Variants in CADPS2 observed in about 807,000 individuals in gnomAD.
CADPS2 encodes the protein calcium dependent secretion activator 2.
A neutral mutation model predicts 172.5 loss-of-function variants in CADPS2; 93 were observed. The ratio of observed to expected loss-of-function variants is 0.54; its 90% CI spans 0.46 to 0.64. The LOEUF is 0.64. Ranked by LOEUF, CADPS2 falls within the 30% of genes least tolerant of loss-of-function variation. CADPS2 has a pLI of 0.00. For missense variants in CADPS2, 1,420 were observed against 1,565.9 expected, an observed-to-expected ratio of 0.91 and a Z score of 1.57; for synonymous variants, 546 against 555.2, an observed-to-expected ratio of 0.98 and a Z score of 0.23.
intron 1 of CADPS2, among the ~76,000 whole-genome samples, chr7:122,804,333 C>T (rs1460875124): frequency 6.6e-6 from 1 of 152,148 alleles, no homozygotes; most frequent in African/African-American, 2.4e-5. Context: ...AGGACTAGCA[C>T]GTTGCATTTT....
chr7:122,662,351 C>G (rs986604478), intron 3 of CADPS2, among the ~76,000 whole-genome samples: 5 of 145,060 alleles, frequency 3.4e-5, no homozygotes, highest in African/African-American at 1.3e-4. Flanking sequence ...AAATGTGAAA[C>G]ATGATTTTAT....
rs535911463 is a variant in CADPS2 at position 122,484,886 on chromosome 7, G to A, written c.1853-4026C>T. ...CATGGTGTCACTTTTTTAACAACAC[G>A]TGCTCATATCATGACGTGCTCATAT... is the stretch of plus-strand genomic sequence containing the variant. On this transcript the variant is annotated intron_variant, in intron 11 of 29. Coordinates refer to ENST00000449022, the MANE Select transcript of CADPS2 (RefSeq NM_017954.11). Among the ~76,000 whole-genome samples, 57 of 143,220 alleles carry A rather than the reference G, an allele frequency of 4.0e-4. 1 individual carries two copies. The South Asian group carries it at 0.011, about 27-fold the overall frequency. 94.0% of individuals were successfully genotyped at this position (143,220 alleles called of 152,430 possible).
chr7:122,845,133 G>A (rs1811633339), intron 1 of CADPS2, among the ~76,000 whole-genome samples: 1 of 152,150 alleles, frequency 6.6e-6, no homozygotes, highest in South Asian at 2.1e-4. Flanking sequence ...ACTGTCATCA[G>A]TCAGAAGCAG....
intron 2 of CADPS2, among the ~76,000 whole-genome samples, chr7:122,675,932 C>A (rs1419794327): frequency 6.6e-6 from 1 of 151,996 alleles, no homozygotes; most frequent in African/African-American, 2.4e-5. Flanking sequence ...GGCACATGCA[C>A]GCCCATGCAA....
intron 18 of CADPS2, among the ~76,000 whole-genome samples, chr7:122,414,938 G>T (rs1000606521): frequency 6.6e-6 from 1 of 152,058 alleles, no homozygotes; most frequent in African/African-American, 2.4e-5. Context: ...CACTGTCAGG[G>T]CACTGACATT....
Position 122,442,304 on chromosome 7 carries a change from A to C in CADPS2, c.2289-729T>G, listed in dbSNP as rs1480319304. Among the ~76,000 whole-genome samples, 3 of 152,078 alleles carry C rather than the reference A, an allele frequency of 2.0e-5. No homozygotes were observed. The East Asian group carries it at 5.8e-4, about 29-fold the overall frequency. On this transcript the variant is annotated intron_variant, in intron 15 of 29. Transcript: ENST00000449022. ...CCTGCTTCAGGTCAATTTCCACTTAAACAATACTGAACATCAGGGCCATTT... is the reference window on the plus strand; with the variant it reads ...CCTGCTTCAGGTCAATTTCCACTTACACAATACTGAACATCAGGGCCATTT...
chr7:122,460,838 GAAATTAAT>G (rs1364937683), intron 14 of CADPS2, among the ~76,000 whole-genome samples: 3 of 152,146 alleles, frequency 2.0e-5, no homozygotes, highest in Admixed American at 1.3e-4. Context: ...TTTGTTAACT[GAAATTAAT>G]AAATCAATAA....
intron 17 of CADPS2, among the ~76,000 whole-genome samples, chr7:122,435,564 T>C (rs1228556515): frequency 1.3e-5 from 2 of 152,158 alleles, no homozygotes; most frequent in African/African-American, 4.8e-5. Flanking sequence ...TCTTGTATAC[T>C]ATTGGTAGAA....
intron 1 of CADPS2, among the ~76,000 whole-genome samples, chr7:122,755,857 C>T (rs1380696691): frequency 1.3e-5 from 2 of 152,138 alleles, no homozygotes; most frequent in Middle Eastern, 3.2e-3. Context: ...ACTCAAGTAA[C>T]ACCTAGTTCT....
At chr7:122,753,888 CT>C (rs925300045) in intron 1 of CADPS2, among the ~76,000 whole-genome samples, 34 of 150,106 alleles carry the variant, frequency 2.3e-4, no homozygotes, top group East Asian at 1.2e-3. Flanking sequence ...TCACCAAAAA[CT>C]TTTTTTTTTC....
intron 1 of CADPS2, among the ~76,000 whole-genome samples, chr7:122,879,675 C>T (rs145798008): frequency 2.2e-4 from 33 of 152,262 alleles, no homozygotes; most frequent in African/African-American, 7.7e-4. Flanking sequence ...CAAAGACAGG[C>T]TTTAAATTTT....
intron 2 of CADPS2, among the ~76,000 whole-genome samples, chr7:122,715,252 T>A: frequency 6.6e-6 from 1 of 152,130 alleles, no homozygotes; most frequent in African/African-American, 2.4e-5. Flanking sequence ...GGACACACCT[T>A]AGATTTTAAG....
chr7:122,656,788 G>A (rs1368414155), intron 3 of CADPS2, among the ~76,000 whole-genome samples: 1 of 152,148 alleles, frequency 6.6e-6, no homozygotes, highest in African/African-American at 2.4e-5. Context: ...TTTCTCTTTT[G>A]CTGTGCAGAA....
chr7:122,670,710 A>G (rs762584986), intron 2 of CADPS2, among the ~76,000 whole-genome samples: 2 of 151,694 alleles, frequency 1.3e-5, no homozygotes, highest in African/African-American at 2.4e-5. Flanking sequence ...CATGTTGATC[A>G]GGCTGGTCTC....
intron 1 of CADPS2, among the ~76,000 whole-genome samples, chr7:122,767,365 G>C (rs997304234): frequency 6.6e-6 from 1 of 152,140 alleles, no homozygotes; most frequent in Non-Finnish European, 1.5e-5. Flanking sequence ...ATAAGTGATA[G>C]AGCTGGGATT....
intron 2 of CADPS2, among the ~76,000 whole-genome samples, chr7:122,718,575 G>T (rs1266126537): frequency 6.6e-6 from 1 of 152,104 alleles, no homozygotes; most frequent in Non-Finnish European, 1.5e-5. Context: ...AGTACCCACA[G>T]GTTTTTCTCC....
At chr7:122,462,756 C>G (rs115452777) in intron 14 of CADPS2, among the ~76,000 whole-genome samples, 1 of 152,116 alleles carries the variant, frequency 6.6e-6, no homozygotes, top group Non-Finnish European at 1.5e-5. Flanking sequence ...TTATGATGAT[C>G]ATCACCAAAT....
intron 12 of CADPS2, among the ~76,000 whole-genome samples, chr7:122,478,440 T>C (rs1485091761): frequency 6.6e-6 from 1 of 152,222 alleles, no homozygotes; most frequent in Admixed American, 6.5e-5. Context: ...GGAGTTTCTA[T>C]GGCAACAGTT....
intron 8 of CADPS2, among the ~76,000 whole-genome samples, chr7:122,544,237 A>T (rs963485680): frequency 7.2e-5 from 11 of 152,156 alleles, no homozygotes; most frequent in Non-Finnish European, 1.6e-4. Context: ...CATATTGTGC[A>T]GGAAAGATTA....
Sources: allele counts gnomAD v4.1 joint callset (sites outside exome capture counted in the v4.1 genomes callset), GRCh38; gene constraint gnomAD v4.1.1; transcripts MANE v1.5; gene names NCBI Gene and HGNC (gene_info 2026-07-23, HGNC 2026-07-21).